The following SGCD variants were observed in gnomAD, a reference collection of about 807,000 sequenced individuals.
SGCD encodes the protein sarcoglycan delta.
Under a neutral mutation model 36.6 loss-of-function variants are expected in SGCD, and 18 were observed. The observed-to-expected ratio is 0.49, with a 90% CI of 0.34 to 0.73. SGCD has a LOEUF of 0.73. Ranked by LOEUF, SGCD falls within the 30% of genes least tolerant of loss-of-function variation. SGCD has a pLI of 0.01. For synonymous variants in SGCD, 133 were observed against 130.6 expected (o/e 1.02, Z -0.12); for missense variants, 387 against 346.7 (o/e 1.12, Z -0.92).
intron 1 of SGCD, among the ~76,000 whole-genome samples, chr5:156,071,103 T>C (rs557220459): frequency 1.0e-3 from 158 of 152,352 alleles, no homozygotes; most frequent in Non-Finnish European, 1.9e-3. Flanking sequence ...ATTAATATTT[T>C]GAAGGGTTTT....
At chr5:155,808,216 T>C in the SGCD span, among the ~76,000 whole-genome samples, 1 of 152,222 alleles carries the variant, frequency 6.6e-6, no homozygotes, top group Non-Finnish European at 1.5e-5. Context: ...TTTTGTGATT[T>C]ATCCATTTTT....
At chr5:156,409,531 C>G (rs1772628160) in intron 3 of SGCD, among the ~76,000 whole-genome samples, 1 of 152,190 alleles carries the variant, frequency 6.6e-6, no homozygotes, top group African/African-American at 2.4e-5. Context: ...GCAGCATACC[C>G]CTTTCCTTTC....
intron 3 of SGCD, among the ~76,000 whole-genome samples, chr5:156,183,649 C>T (rs1164091934): frequency 6.6e-6 from 1 of 152,186 alleles, no homozygotes; most frequent in Non-Finnish European, 1.5e-5. Context: ...CTCAAGTGAT[C>T]TGCCCACCTT....
In SGCD at chr5:155,952,142, G is replaced by A. The variant is rs142317060; in HGVS notation, c.-282+81718G>A. Among the ~76,000 whole-genome samples, 8 of 152,240 alleles carry A rather than the reference G, an allele frequency of 5.3e-5. No homozygotes were observed. The South Asian group carries it at 1.5e-3, about 28-fold the overall frequency. On this transcript the variant is annotated intron_variant, in intron 1 of 9. Transcript: ENST00000517913. ...TGGGCTAATTGCCTCTGATCTTGGG[G>A]TGTATAGATTCATAAAATTTGTGCT...
At chr5:156,704,197 G>A (rs1754648018) in intron 7 of SGCD, 1 of 152,070 alleles carries the variant, frequency 6.6e-6, no homozygotes, top group South Asian at 2.1e-4. Context: ...TCCCTCCTGT[G>A]GCTTCCATTC....
At chr5:155,754,255 T>C in the SGCD span, among the ~76,000 whole-genome samples, 3 of 152,252 alleles carry the variant, frequency 2.0e-5, no homozygotes, top group Non-Finnish European at 4.4e-5. Context: ...CATCATGGGC[T>C]TATTGTGTAA....
chr5:156,533,926 C>T (rs1264980891), intron 4 of SGCD, among the ~76,000 whole-genome samples: 5 of 152,164 alleles, frequency 3.3e-5, no homozygotes, highest in South Asian at 2.1e-4. Flanking sequence ...ACTGTCCCCA[C>T]GTAGACAATA....
At chr5:155,974,044 A>T (rs1581020987) in intron 1 of SGCD, among the ~76,000 whole-genome samples, 1 of 152,198 alleles carries the variant, frequency 6.6e-6, no homozygotes, top group Admixed American at 6.5e-5. Context: ...CAGTCAATTC[A>T]TGCTGTCTGT....
intron 7 of SGCD, among the ~76,000 whole-genome samples, chr5:156,686,900 T>C (rs1753924852): frequency 6.6e-6 from 1 of 152,176 alleles, no homozygotes; most frequent in Non-Finnish European, 1.5e-5. Flanking sequence ...ACTGTCAGAA[T>C]TTAACAACCG....
the SGCD span, among the ~76,000 whole-genome samples, chr5:155,861,452 C>A: frequency 6.6e-6 from 1 of 151,688 alleles, no homozygotes; most frequent in African/African-American, 2.4e-5. Context: ...CCTGTAATCC[C>A]AGTACTTTGG....
chr5:156,058,575 A>G (rs145280427), intron 1 of SGCD, among the ~76,000 whole-genome samples: 15 of 145,938 alleles, frequency 1.0e-4, no homozygotes, highest in East Asian at 5.8e-4. Flanking sequence ...ACTGATCAAT[A>G]GCAATGCGTG....
At chr5:155,981,280 T>C (rs1041678314) in intron 1 of SGCD, among the ~76,000 whole-genome samples, 1 of 152,168 alleles carries the variant, frequency 6.6e-6, no homozygotes, top group Non-Finnish European at 1.5e-5. Flanking sequence ...AATCCCCGAC[T>C]TGGGGCCATG....
chr5:155,966,115 G>A (rs945475770), intron 1 of SGCD, among the ~76,000 whole-genome samples: 3 of 152,030 alleles, frequency 2.0e-5, no homozygotes, highest in African/African-American at 4.8e-5. Context: ...GGAGTGTGTC[G>A]ATGCTGAGAG....
chr5:156,179,620 CTTT>C (rs570830321), intron 3 of SGCD, among the ~76,000 whole-genome samples: 3 of 135,412 alleles, frequency 2.2e-5, no homozygotes, highest in Non-Finnish European at 1.6e-5. Context: ...AATTTTCCAA[CTTT>C]TTTTTTTTTT....
chr5:156,171,984 C>A (rs760234986), intron 3 of SGCD, among the ~76,000 whole-genome samples: 3 of 152,066 alleles, frequency 2.0e-5, no homozygotes, highest in Non-Finnish European at 4.4e-5. Flanking sequence ...AGGGAAATAA[C>A]TCATTCAAGA....
At chr5:155,984,391 C>T (rs887771859) in intron 1 of SGCD, among the ~76,000 whole-genome samples, 12 of 152,156 alleles carry the variant, frequency 7.9e-5, no homozygotes, top group South Asian at 2.1e-4. Context: ...TACTTTGTTT[C>T]GTAAGCCTTG....
At chr5:155,975,956 G>T (rs1285464361) in intron 1 of SGCD, among the ~76,000 whole-genome samples, 1 of 151,868 alleles carries the variant, frequency 6.6e-6, no homozygotes, top group Non-Finnish European at 1.5e-5. Flanking sequence ...TTCTGTTTAT[G>T]TTATAGATTC....
chr5:156,235,727 AG>A (rs1765142442), intron 3 of SGCD, among the ~76,000 whole-genome samples: 1 of 152,210 alleles, frequency 6.6e-6, no homozygotes, highest in Non-Finnish European at 1.5e-5. Flanking sequence ...ATTATATAAA[AG>A]TTTATTGGAA....
the SGCD span, among the ~76,000 whole-genome samples, chr5:155,798,699 C>G: frequency 6.6e-6 from 1 of 152,046 alleles, no homozygotes; most frequent in African/African-American, 2.4e-5. Flanking sequence ...ATGGGAATGC[C>G]AAAAACAGCA....
Sources: gnomAD v4.1 joint callset for allele counts (sites outside exome capture counted in the v4.1 genomes callset) on GRCh38, gnomAD v4.1.1 for gene constraint, MANE v1.5 for transcripts, NCBI Gene and HGNC (gene_info 2026-07-23, HGNC 2026-07-21) for gene names.